KIAA0319L: variants seen among roughly 807,000 people sequenced by gnomAD.
The protein encoded by KIAA0319L is dyslexia-associated protein KIAA0319-like protein.
In KIAA0319L, 55 loss-of-function variants were observed where a neutral mutation model predicts 120.1. The observed-to-expected ratio is 0.46, with a 90% CI of 0.37 to 0.57. The LOEUF is 0.57. KIAA0319L is among the 20% of genes least tolerant of loss of function. KIAA0319L has a pLI of 0.00. For synonymous variants in KIAA0319L, 398 were observed against 471.9 expected (o/e 0.84, Z 2.03); for missense variants, 1,049 against 1,255.3 (o/e 0.84, Z 2.48).
chr1:35,507,624 C>T (rs567187907), intron 2 of KIAA0319L, among the ~76,000 whole-genome samples: 1 of 152,266 alleles, frequency 6.6e-6, no homozygotes, highest in East Asian at 1.9e-4. Flanking sequence ...AGAACAGTTT[C>T]CCCAGCAAAC....
chr1:35,497,023 G>A (rs1475942262), intron 3 of KIAA0319L, among the ~76,000 whole-genome samples: 1 of 148,266 alleles, frequency 6.7e-6, no homozygotes, highest in Non-Finnish European at 1.5e-5. Context: ...ATTACGCTAA[G>A]TAGAAGAACC....
At chr1:35,465,013 G>T (rs571317528) in intron 7 of KIAA0319L, among the ~76,000 whole-genome samples, 1 of 152,370 alleles carries the variant, frequency 6.6e-6, no homozygotes, top group African/African-American at 2.4e-5. Context: ...TGGATGTCCA[G>T]GCAGATGTCT....
intron 3 of KIAA0319L, among the ~76,000 whole-genome samples, chr1:35,489,100 G>C (rs1004425884): frequency 1.3e-5 from 2 of 152,124 alleles, no homozygotes; most frequent in African/African-American, 2.4e-5. Flanking sequence ...ATATTTAGGA[G>C]AGCATCTGGG....
chr1:35,510,347 G>A (rs576641585), intron 2 of KIAA0319L: 16 of 150,066 alleles, frequency 1.1e-4, no homozygotes, highest in African/African-American at 2.9e-4. Context: ...ACCAATAAAC[G>A]TGAAAAAGCT....
At chr1:35,504,618 A>C (rs1439117503) in intron 3 of KIAA0319L, among the ~76,000 whole-genome samples, 1 of 152,190 alleles carries the variant, frequency 6.6e-6, no homozygotes, top group Non-Finnish European at 1.5e-5. Flanking sequence ...GGCTTTTAGT[A>C]GCTACATTCT....
intron 8 of KIAA0319L, among the ~76,000 whole-genome samples, chr1:35,461,923 C>T (rs1252900462): frequency 6.6e-6 from 1 of 152,094 alleles, no homozygotes; most frequent in Non-Finnish European, 1.5e-5. Context: ...CTCCCAAAAA[C>T]CATCGCTGGT....
intron 2 of KIAA0319L, among the ~76,000 whole-genome samples, chr1:35,525,686 G>A (rs1480500496): frequency 6.6e-6 from 1 of 152,112 alleles, no homozygotes; most frequent in Non-Finnish European, 1.5e-5. Flanking sequence ...ATGGGGCTAT[G>A]TAGGGTTTTT....
At chr1:35,513,288 A>ATATTTTTTTTT (rs1414704674) in intron 2 of KIAA0319L, among the ~76,000 whole-genome samples, 5 of 85,338 alleles carry the variant, frequency 5.9e-5, no homozygotes, top group African/African-American at 2.1e-4. Flanking sequence ...ATATATATAT[A>ATATTTTTTTTT]TTTTTTTTTT....
At chr1:35,462,385 C>T (rs750605244) in intron 8 of KIAA0319L, among the ~76,000 whole-genome samples, 2 of 152,130 alleles carry the variant, frequency 1.3e-5, no homozygotes, top group Non-Finnish European at 2.9e-5. Flanking sequence ...AGTTTCTTAC[C>T]ATCTCAAAGT....
At chr1:35,484,837 G>T in intron 3 of KIAA0319L, among the ~76,000 whole-genome samples, 1 of 127,190 alleles carries the variant, frequency 7.9e-6, no homozygotes, top group Non-Finnish European at 1.6e-5. Flanking sequence ...TAAGTTTTAG[G>T]GTACATGTGC....
At chr1:35,480,191 T>C (rs940218484) in intron 3 of KIAA0319L, among the ~76,000 whole-genome samples, 1 of 152,036 alleles carries the variant, frequency 6.6e-6, no homozygotes, top group African/African-American at 2.4e-5. Flanking sequence ...TATTGGGAAC[T>C]GACAGCCATA....
At chr1:35,480,989 T>A (rs1313534657) in intron 3 of KIAA0319L, among the ~76,000 whole-genome samples, 1 of 152,196 alleles carries the variant, frequency 6.6e-6, no homozygotes, top group Non-Finnish European at 1.5e-5. Flanking sequence ...ACCACTGATT[T>A]GTTTGCTATC....
chr1:35,541,642 G>A (rs991294927), intron 2 of KIAA0319L, among the ~76,000 whole-genome samples: 3 of 152,102 alleles, frequency 2.0e-5, no homozygotes, highest in Non-Finnish European at 2.9e-5. Flanking sequence ...GAGCCACCGC[G>A]CCCAGCCTAC....
intron 16 of KIAA0319L, among the ~76,000 whole-genome samples, chr1:35,446,211 T>C (rs1314739925): frequency 6.6e-6 from 1 of 152,048 alleles, no homozygotes; most frequent in Non-Finnish European, 1.5e-5. Context: ...GTGGCTGGAG[T>C]TGGGAACCAC....
At chr1:35,481,828 T>C (rs1473174529) in intron 3 of KIAA0319L, among the ~76,000 whole-genome samples, 1 of 135,458 alleles carries the variant, frequency 7.4e-6, no homozygotes, top group East Asian at 2.1e-4. Flanking sequence ...TTTTTTTTTT[T>C]TTTTTTTTTT....
At chr1:35,470,253 A>G (rs1357753377) in intron 6 of KIAA0319L, among the ~76,000 whole-genome samples, 1 of 151,958 alleles carries the variant, frequency 6.6e-6, no homozygotes, top group East Asian at 2.0e-4. Context: ...AGCACTTTGG[A>G]AGGCTGAGAT....
rs751271430 is a variant in KIAA0319L at position 35,442,304 on chromosome 1, A to G, written c.2812T>C (p.Phe938Leu). Residue 938 changes from phenylalanine to leucine, a missense_variant, in exon 19 of 21, where the codon TTT becomes CTT. Phe to Leu is a conservative substitution (Grantham distance 22). Coordinates refer to ENST00000325722, the MANE Select transcript of KIAA0319L (RefSeq NM_024874.5). Reference sequence around the variant, plus strand: ...ATTCCCAAGGCAACAACAATGACAAAGGTAGCAATGATAACATATAACACG... The same window carrying G: ...ATTCCCAAGGCAACAACAATGACAAGGGTAGCAATGATAACATATAACACG... ...WSVLYVIIAT[F>L]VIVVALGILS... The G allele has an allele frequency of 6.2e-7, 1 of 1,613,946 alleles. No homozygotes were observed. Among genetic ancestry groups the G allele is most frequent in the South Asian group, 1.1e-5 (1 of 91,084 alleles).
At chr1:35,478,921 A>G in intron 4 of KIAA0319L, 45 bp downstream of exon 4, 1 of 1,597,932 alleles carries the variant, frequency 6.3e-7, no homozygotes, top group Non-Finnish European at 8.6e-7. Flanking sequence ...ACTTTGATCA[A>G]ATGTTCTACT....
chr1:35,434,585 G>T lies in KIAA0319L; in HGVS notation c.*309C>A. 2.9e-6 allele frequency: 1 copy of T among 348,152 alleles called. No homozygotes were observed. The highest frequency in any genetic ancestry group is 8.0e-4 in the Middle Eastern group (1 of 1,244). 21.6% of individuals were successfully genotyped at this position (348,152 alleles called of 1,614,324 possible). On this transcript the variant is annotated 3_prime_UTR_variant, in exon 21 of 21. Transcript: ENST00000325722. ...GCACAATGACACTGTCCACTGGGGAGCTGCAGAGCTTAGCAGCTGGCTGGG... is the reference window on the plus strand; with the variant it reads ...GCACAATGACACTGTCCACTGGGGATCTGCAGAGCTTAGCAGCTGGCTGGG...
Sources: gnomAD v4.1 joint callset for allele counts (sites outside exome capture counted in the v4.1 genomes callset) on GRCh38, gnomAD v4.1.1 for gene constraint, MANE v1.5 for transcripts, NCBI Gene and HGNC (gene_info 2026-07-23, HGNC 2026-07-21) for gene names.